Variants in NCOA2 observed in about 807,000 individuals in gnomAD.
The protein encoded by NCOA2 is class E basic helix-loop-helix protein 75.
A neutral mutation model predicts 145.1 loss-of-function variants in NCOA2; 21 were observed. The ratio of observed to expected loss-of-function variants is 0.14; its 90% CI spans 0.10 to 0.21. NCOA2 has a LOEUF of 0.21. NCOA2 is among the 10% of genes least tolerant of loss of function. The probability of loss-of-function intolerance (pLI) is 1.00; values close to 1 mark genes in which losing one functional copy is unlikely to be tolerated. For missense variants in NCOA2, 1,472 were observed against 1,837.6 expected (o/e 0.80, Z 3.64); for synonymous variants, 619 against 637.5 (o/e 0.97, Z 0.44).
the NCOA2 span, among the ~76,000 whole-genome samples, chr8:70,431,733 T>C: frequency 6.6e-6 from 1 of 152,222 alleles, no homozygotes; most frequent in Non-Finnish European, 1.5e-5. Flanking sequence ...GCTTAACATA[T>C]ACTTTATACA....
At chr8:70,178,602 C>A (rs923245026) in intron 4 of NCOA2, among the ~76,000 whole-genome samples, 1 of 152,152 alleles carries the variant, frequency 6.6e-6, no homozygotes, top group Non-Finnish European at 1.5e-5. Context: ...AGTGAAAAAT[C>A]CTCGTCTGCC....
the NCOA2 span, among the ~76,000 whole-genome samples, chr8:70,422,768 TC>T: frequency 6.6e-6 from 1 of 152,244 alleles, no homozygotes; most frequent in Non-Finnish European, 1.5e-5. Context: ...GTGTTTTTTT[TC>T]TTTTAAATAT....
intron 1 of NCOA2, among the ~76,000 whole-genome samples, chr8:70,390,319 TTG>T (rs1363677979): frequency 3.3e-5 from 5 of 152,324 alleles, no homozygotes; most frequent in South Asian, 2.1e-4. Flanking sequence ...GATAACTTCA[TTG>T]TGTTTTGCTT....
At chr8:70,385,497 T>C (rs991777260) in intron 1 of NCOA2, among the ~76,000 whole-genome samples, 3 of 152,206 alleles carry the variant, frequency 2.0e-5, no homozygotes, top group Non-Finnish European at 4.4e-5. Context: ...GGTGTCATCA[T>C]AGCTCACTGC....
intron 16 of NCOA2, among the ~76,000 whole-genome samples, chr8:70,129,906 G>A (rs987442621): frequency 1.3e-5 from 2 of 152,204 alleles, no homozygotes; most frequent in African/African-American, 4.8e-5. Context: ...CCAACCTCAG[G>A]TGATCTGCCC....
intron 16 of NCOA2, among the ~76,000 whole-genome samples, chr8:70,129,672 CCTGA>C (rs1183712386): frequency 6.6e-6 from 1 of 152,056 alleles, no homozygotes; most frequent in East Asian, 1.9e-4. Context: ...GTCTGTCACT[CCTGA>C]CTTTTTTTTT....
chr8:70,301,670 A>G (rs1283342583), intron 1 of NCOA2, among the ~76,000 whole-genome samples: 5 of 150,728 alleles, frequency 3.3e-5, no homozygotes, highest in South Asian at 2.1e-4. Context: ...AAAAAAAAAA[A>G]AAAAAAAAAA....
chr8:70,166,931 T>A (rs1813681056), intron 6 of NCOA2, among the ~76,000 whole-genome samples, 177 bp from the exon 7 acceptor site: 1 of 152,236 alleles, frequency 6.6e-6, no homozygotes. Flanking sequence ...TTTTTACAAC[T>A]TGGGAATATC....
chr8:70,160,357 A>G (rs1310091599), intron 9 of NCOA2, among the ~76,000 whole-genome samples: 1 of 152,230 alleles, frequency 6.6e-6, no homozygotes, highest in Non-Finnish European at 1.5e-5. Flanking sequence ...AGGTGTTTCC[A>G]TTTTCAAGAC....
At chr8:70,266,803 T>G (rs778713384) in intron 2 of NCOA2, among the ~76,000 whole-genome samples, 2 of 152,218 alleles carry the variant, frequency 1.3e-5, no homozygotes, top group African/African-American at 4.8e-5. Flanking sequence ...CTAGGGGCAC[T>G]CACAGAATGC....
chr8:70,213,824 G>C, intron 4 of NCOA2, 79 bp downstream of exon 4: 1 of 1,166,524 alleles, frequency 8.6e-7, no homozygotes. Flanking sequence ...ATGGATTAAA[G>C]GGACTCTGAA....
chr8:70,120,209 G>A (rs1807641458), intron 22 of NCOA2, among the ~76,000 whole-genome samples: 1 of 152,100 alleles, frequency 6.6e-6, no homozygotes, highest in African/African-American at 2.4e-5. Flanking sequence ...CACTTAACAG[G>A]TTGTATGGGA....
intron 3 of NCOA2, among the ~76,000 whole-genome samples, chr8:70,215,986 T>C (rs1383881963): frequency 6.6e-6 from 1 of 152,254 alleles, no homozygotes; most frequent in Admixed American, 6.5e-5. Context: ...TTCCAGGTTC[T>C]AGATGTACCA....
intron 21 of NCOA2, among the ~76,000 whole-genome samples, chr8:70,121,829 G>A (rs761131568): frequency 4.6e-5 from 7 of 152,168 alleles, no homozygotes; most frequent in African/African-American, 1.7e-4. Flanking sequence ...CCAAACTAGT[G>A]CTGGACTTTG....
intron 1 of NCOA2, among the ~76,000 whole-genome samples, chr8:70,322,907 A>G (rs1451940100): frequency 6.6e-6 from 1 of 152,194 alleles, no homozygotes; most frequent in Non-Finnish European, 1.5e-5. Context: ...TTATCAAGAT[A>G]TTTTTAGACT....
rs201783422 is a variant in NCOA2, at chr8:70,205,117, AC to A, written c.259+8785del. Among the ~76,000 whole-genome samples the A allele has an allele frequency of 1.7e-3, 264 of 152,314 alleles. 2 individuals carry two copies. The highest frequency in any genetic ancestry group is 0.014 in the Admixed American group (210 of 15,298). On this transcript the variant is annotated intron_variant, in intron 4 of 22. Coordinates refer to ENST00000452400, the MANE Select transcript of NCOA2 (RefSeq NM_006540.4). ...GAAAGTGAAGTACCTAAAACACTAA[AC>A]AAACACTAAACAGAGTAAGATCAGA...
intron 1 of NCOA2, among the ~76,000 whole-genome samples, chr8:70,400,078 C>G (rs1814088838): frequency 6.6e-6 from 1 of 152,190 alleles, no homozygotes; most frequent in Non-Finnish European, 1.5e-5. Context: ...AATCCCCCTC[C>G]AAGCCTTACA....
In NCOA2 at chr8:70,335,338, C is replaced by G. The variant is rs144507380; in HGVS notation, c.-76-38538G>C. On this transcript the variant is annotated intron_variant, in intron 1 of 22. Coordinates refer to ENST00000452400, the MANE Select transcript of NCOA2 (RefSeq NM_006540.4). ...ACCACAATGTGTGTCATCTCAAAAG[C>G]AGAACTGAGCTGGTTTGTCTTTTTG... Among the ~76,000 whole-genome samples the G allele has an allele frequency of 2.0e-5, 3 of 152,104 alleles. No homozygotes were observed. The East Asian group carries it at 5.8e-4, about 29-fold the overall frequency.
chr8:70,148,173 T>G, intron 12 of NCOA2, 100 bp downstream of exon 12: 1 of 1,221,320 alleles, frequency 8.2e-7, no homozygotes, highest in Non-Finnish European at 1.2e-6. Context: ...ACAAAAACCT[T>G]AAAGTGACTA....
Sources: gnomAD v4.1 joint callset for allele counts (sites outside exome capture counted in the v4.1 genomes callset) on GRCh38, gnomAD v4.1.1 for gene constraint, MANE v1.5 for transcripts, NCBI Gene and HGNC (gene_info 2026-07-23, HGNC 2026-07-21) for gene names.